The following CCNB3 variants were observed in gnomAD, a reference collection of about 807,000 sequenced individuals.
The protein encoded by CCNB3 is cyclin B3, also known as G2/mitotic-specific cyclin-B3.
CCNB3 carries 12 observed loss-of-function variants against 68.0 expected under a neutral mutation model. The observed-to-expected ratio is 0.18, with a 90% confidence interval of 0.11 to 0.29. CCNB3 has a LOEUF of 0.29. Ranked by LOEUF, CCNB3 falls within the 10% of genes least tolerant of loss-of-function variation. The pLI is 1.00. For missense variants in CCNB3, 904 were observed against 993.1 expected (o/e 0.91, Z 1.21); for synonymous variants, 354 against 388.9 (o/e 0.91, Z 1.06).
chrX:50,347,791 A>T lies in CCNB3; in HGVS notation c.3960+16A>T. 2.5e-6 allele frequency: 3 copies of T among 1,187,664 alleles called. No homozygotes were observed. Among genetic ancestry groups the T allele is most frequent in the Non-Finnish European group, 3.4e-6 (3 of 880,676 alleles). The stretch of plus-strand genomic sequence containing the variant: ...CGGATACTGGGTAAACACTTGCGAG[A>T]TAGGGGTATAGGGGTAGAGATTTAA... On this transcript the variant is annotated intron_variant, in intron 11 of 12. Transcript: ENST00000376042.
At chrX:50,280,222 T>C (rs1482867248) in intron 1 of CCNB3, among the ~76,000 whole-genome samples, 1 of 89,863 alleles carries the variant, frequency 1.1e-5, no homozygotes, top group African/African-American at 4.2e-5. Context: ...TTAGAATATA[T>C]ATAAATATAT....
At chrX:50,281,214 C>T (rs919786748) in intron 1 of CCNB3, among the ~76,000 whole-genome samples, 1 of 111,511 alleles carries the variant, frequency 9.0e-6, no homozygotes, top group Non-Finnish European at 1.9e-5. Flanking sequence ...GTTAGGCTTT[C>T]GCGTGTCGCA....
intron 9 of CCNB3, among the ~76,000 whole-genome samples, chrX:50,344,301 CTT>C: frequency 8.9e-6 from 1 of 112,428 alleles, no homozygotes; most frequent in African/African-American, 3.2e-5. Context: ...ACATATCCCT[CTT>C]GTTAAGTGAC....
At chrX:50,333,665 T>C (rs934594450) in intron 8 of CCNB3, among the ~76,000 whole-genome samples, 7 of 111,425 alleles carry the variant, frequency 6.3e-5, no homozygotes, top group African/African-American at 2.3e-4. Flanking sequence ...CCTCCTTTTA[T>C]TACTTACCCC....
intron 1 of CCNB3, among the ~76,000 whole-genome samples, chrX:50,228,851 T>C (rs1424012056): frequency 5.4e-5 from 4 of 74,010 alleles, no homozygotes; most frequent in Non-Finnish European, 9.5e-5. Context: ...ATATAGAATA[T>C]ATATCTAGAA....
intron 2 of CCNB3, 75 bp from the exon 3 acceptor site, chrX:50,285,052 G>A (rs1936210140): frequency 7.0e-6 from 4 of 570,447 alleles, no homozygotes; most frequent in African/African-American, 2.3e-5. Context: ...AGATAGACTG[G>A]GTTTTCTCAA....
At chrX:50,339,341 G>C (rs782319768) in intron 8 of CCNB3, among the ~76,000 whole-genome samples, 3 of 112,276 alleles carry the variant, frequency 2.7e-5, no homozygotes, top group African/African-American at 9.7e-5. Context: ...GAGACAAATC[G>C]TTGCATTCTT....
intron 1 of CCNB3, among the ~76,000 whole-genome samples, chrX:50,205,356 C>T (rs1318541746): frequency 2.7e-5 from 3 of 111,705 alleles, no homozygotes; most frequent in African/African-American, 9.8e-5. Context: ...GCGGAAGAAT[C>T]GCTTGAAACT....
intron 1 of CCNB3, among the ~76,000 whole-genome samples, chrX:50,220,348 T>C (rs1197950631): frequency 9.0e-6 from 1 of 111,689 alleles, no homozygotes; most frequent in African/African-American, 3.3e-5. Context: ...CTTGTGCCGG[T>C]TTTCAAAGGG....
chrX:50,226,141 A>G (rs1450808564), intron 1 of CCNB3, among the ~76,000 whole-genome samples: 2 of 77,245 alleles, frequency 2.6e-5, no homozygotes, highest in Non-Finnish European at 4.6e-5. Flanking sequence ...ATATAAATAT[A>G]TATTCTATAT....
At chrX:50,290,038 GTTAGA>G (rs1182903137) in intron 4 of CCNB3, among the ~76,000 whole-genome samples, 1 of 111,731 alleles carries the variant, frequency 9.0e-6, no homozygotes, top group African/African-American at 3.3e-5. Flanking sequence ...CACTTGTAAG[GTTAGA>G]TTAATTTCCT....
chrX:50,282,716 T>C (rs1184365773), intron 1 of CCNB3, among the ~76,000 whole-genome samples: 1 of 111,756 alleles, frequency 8.9e-6, no homozygotes, highest in Non-Finnish European at 1.9e-5. Flanking sequence ...ATGCAAATGA[T>C]TAGTGTTCAC....
intron 11 of CCNB3, among the ~76,000 whole-genome samples, chrX:50,350,800 A>G (rs782355115): frequency 3.6e-3 from 394 of 108,908 alleles, no homozygotes; most frequent in Admixed American, 6.6e-3. Flanking sequence ...GGCTCAAGCA[A>G]TCCTCCTGCC....
intron 8 of CCNB3, among the ~76,000 whole-genome samples, chrX:50,322,296 A>C (rs1207592255): frequency 9.0e-6 from 1 of 110,849 alleles, no homozygotes; most frequent in Admixed American, 9.6e-5. Context: ...ATCTTTGACA[A>C]ACCTGACAAA....
chrX:50,218,944 T>A (rs1935626958), intron 1 of CCNB3, among the ~76,000 whole-genome samples: 1 of 111,949 alleles, frequency 8.9e-6, no homozygotes, highest in Admixed American at 9.5e-5. Context: ...ATCTGTTTCC[T>A]GACTTTTTAA....
At chrX:50,218,796 C>G (rs1197523995) in intron 1 of CCNB3, among the ~76,000 whole-genome samples, 1 of 111,794 alleles carries the variant, frequency 8.9e-6, no homozygotes, top group Non-Finnish European at 1.9e-5. Context: ...GGCATATACC[C>G]AGTGATGGGA....
At position 50,350,073 on chromosome X, in the gene CCNB3, C is replaced by T. The variant is rs868908663; in HGVS notation, c.3961-1168C>T. Among the ~76,000 whole-genome samples, 3 of 110,756 alleles carry T rather than the reference C, an allele frequency of 2.7e-5. 1 individual carries two copies. Among genetic ancestry groups the T allele is most frequent in the African/African-American group, 9.9e-5 (3 of 30,368 alleles). On this transcript the variant is annotated intron_variant, in intron 11 of 12. Transcript: ENST00000376042. ...AGCACTTATCACACATTTTTTAACT[C>T]GCTGTTTGCACATCTGTCTCCTCTA...
intron 1 of CCNB3, among the ~76,000 whole-genome samples, chrX:50,214,508 A>ATATATATATATATATATATATT (rs1211047337): frequency 1.9e-4 from 13 of 68,737 alleles, no homozygotes; most frequent in Non-Finnish European, 3.2e-4. Context: ...ATATATATAT[A>ATATATATATATATATATATATT]TTTTAGCTGT....
chrX:50,344,436 T>C (rs1184312945), intron 9 of CCNB3, among the ~76,000 whole-genome samples: 3 of 112,876 alleles, frequency 2.7e-5, no homozygotes, highest in African/African-American at 9.6e-5. Context: ...GCATTTTTTG[T>C]CCCTCTTCCC....
Sources: gnomAD v4.1 joint callset for allele counts (sites outside exome capture counted in the v4.1 genomes callset) on GRCh38, gnomAD v4.1.1 for gene constraint, MANE v1.5 for transcripts, NCBI Gene and HGNC (gene_info 2026-07-23, HGNC 2026-07-21) for gene names.